The following NDRG4 variants were observed in gnomAD, a reference collection of about 807,000 sequenced individuals.
NDRG4 encodes the protein NDRG family member 4.
A neutral mutation model predicts 55.8 loss-of-function variants in NDRG4; 38 were observed. That is an observed-to-expected ratio of 0.68 (90% CI 0.53 to 0.89). The LOEUF is 0.89. Ranked by LOEUF, NDRG4 falls within the 40% of genes least tolerant of loss-of-function variation. The pLI, the probability that NDRG4 is intolerant of heterozygous loss-of-function variation, is 0.00. For missense variants in NDRG4, 455 were observed against 468.6 expected, an observed-to-expected ratio of 0.97 and a Z score of 0.27; for synonymous variants, 190 against 182.7, an observed-to-expected ratio of 1.04 and a Z score of -0.32.
At chr16:58,504,082 C>A (rs941829331) in intron 2 of NDRG4, 72 bp from the exon 3 acceptor site, 213 of 1,603,720 alleles carry the variant, frequency 1.3e-4, no homozygotes, top group Non-Finnish European at 1.8e-4. Context: ...CTTGCCTGCC[C>A]TCTGGGGGCC....
At chr16:58,479,125 T>C (rs921452270) in intron 1 of NDRG4, among the ~76,000 whole-genome samples, 1 of 152,124 alleles carries the variant, frequency 6.6e-6, no homozygotes, top group Non-Finnish European at 1.5e-5. Flanking sequence ...GCCTCCCAAG[T>C]TCAAGCAACT....
intron 1 of NDRG4, chr16:58,501,149 G>A: frequency 1.1e-5 from 12 of 1,052,624 alleles, no homozygotes; most frequent in South Asian, 4.8e-5. Context: ...GGCCCCACAC[G>A]CCTGCCCTGC....
intron 1 of NDRG4, chr16:58,463,898 G>T: frequency 8.9e-6 from 1 of 111,878 alleles, no homozygotes; most frequent in South Asian, 3.1e-4. Context: ...CCCCGAGCAC[G>T]ACCCCAGCCC....
chr16:58,508,861 T>TGCACCCCCTCTCCTCCCC, intron 10 of NDRG4, 101 bp from the exon 11 acceptor site: 2 of 1,340,158 alleles, frequency 1.5e-6, no homozygotes, highest in Non-Finnish European at 2.1e-6. Flanking sequence ...TCTGCCTCCC[T>TGCACCCCCTCTCCTCCCC]GCACCCCCTC....
chr16:58,501,134 C>T, intron 1 of NDRG4: 3 of 1,151,818 alleles, frequency 2.6e-6, no homozygotes, highest in Non-Finnish European at 3.3e-6. Flanking sequence ...TCACCCCCAC[C>T]CCCGGGCCCC....
At chr16:58,478,790 G>A (rs944211983) in intron 1 of NDRG4, among the ~76,000 whole-genome samples, 1 of 148,586 alleles carries the variant, frequency 6.7e-6, no homozygotes, top group Non-Finnish European at 1.5e-5. Flanking sequence ...AACTGGCAGT[G>A]GTTTTTTTTT....
At chr16:58,500,035 C>T, upstream of NDRG4, 1 of 1,365,772 alleles carries the variant, frequency 7.3e-7, no homozygotes, top group Non-Finnish European at 9.7e-7. Context: ...AATATGGGAG[C>T]TGGGGCTCCT....
chr16:58,503,548 C>T (rs190605856), intron 1 of NDRG4, among the ~76,000 whole-genome samples: 2 of 152,234 alleles, frequency 1.3e-5, no homozygotes, highest in Non-Finnish European at 2.9e-5. Context: ...AAACCAGTGG[C>T]TGGTTTGCAG....
upstream of NDRG4, chr16:58,499,879 T>A: frequency 2.5e-6 from 1 of 407,480 alleles, no homozygotes. Context: ...GCTGCAGCTG[T>A]TGGCGTGTGC....
upstream of NDRG4, chr16:58,497,076 C>T (rs1049369386): frequency 2.0e-5 from 3 of 152,142 alleles, no homozygotes; most frequent in African/African-American, 7.2e-5. Flanking sequence ...AATCTCAGCA[C>T]TTTCGGAGGC....
chr16:58,504,308 GCTCT>G, intron 3 of NDRG4, 34 bp downstream of exon 3: 10 of 1,613,992 alleles, frequency 6.2e-6, no homozygotes, highest in Non-Finnish European at 8.5e-6. Flanking sequence ...CCTGTCTCCA[GCTCT>G]GCACCTGAGG....
intron 2 of NDRG4, among the ~76,000 whole-genome samples, chr16:58,492,963 A>G (rs1443777233): frequency 3.3e-5 from 5 of 152,018 alleles, no homozygotes; most frequent in African/African-American, 1.2e-4. Flanking sequence ...GAAGAAGCCC[A>G]AGTGGGTGTG....
At chr16:58,475,220 C>T (rs568110522) in intron 1 of NDRG4, among the ~76,000 whole-genome samples, 11 of 152,264 alleles carry the variant, frequency 7.2e-5, no homozygotes, top group Admixed American at 4.6e-4. Flanking sequence ...GTGAGGCACC[C>T]GTGTAAAAGA....
At position 58,483,439 on chromosome 16, in the gene NDRG4, A is replaced by G. The variant is rs942117148; in HGVS notation, c.-23-4317A>G. On this transcript the variant is annotated intron_variant, in intron 1 of 15. Transcript: ENST00000258187. ...ACCAGAAGTAATTAAACTGAAATGC[A>G]ATTCCTCTTAAGGAATCCATGCCAC... 6.0e-4 allele frequency among the ~76,000 whole-genome samples: 91 copies of G among 152,286 alleles called. No individual in the cohort carries two copies. The Middle Eastern group carries it at 0.01, about 17-fold the overall frequency.
chr16:58,503,957 G>T, intron 2 of NDRG4, 54 bp downstream of exon 2: 1 of 1,593,022 alleles, frequency 6.3e-7, no homozygotes, highest in Non-Finnish European at 8.6e-7. Flanking sequence ...CAGCCAGAGC[G>T]GTGAGGCCCC....
At chr16:58,490,068 C>T (rs192539669) in intron 2 of NDRG4, among the ~76,000 whole-genome samples, 1 of 152,192 alleles carries the variant, frequency 6.6e-6, no homozygotes, top group South Asian at 2.1e-4. Flanking sequence ...TCTTGAACTT[C>T]TGGGTGCAAG....
At chr16:58,482,536 G>A (rs533655518) in intron 1 of NDRG4, among the ~76,000 whole-genome samples, 19 of 152,140 alleles carry the variant, frequency 1.2e-4, no homozygotes, top group African/African-American at 3.9e-4. Context: ...CTTCTCACCC[G>A]TGGTCCCTGG....
chr16:58,478,338 G>A (rs987404585), intron 1 of NDRG4, among the ~76,000 whole-genome samples: 4 of 151,370 alleles, frequency 2.6e-5, no homozygotes, highest in Admixed American at 6.6e-5. Context: ...GCAGTGAGCC[G>A]AGATCGCGCC....
In NDRG4 at chr16:58,504,420, G is replaced by C. The variant is rs369106170; in HGVS notation, c.310G>C (p.Gly104Arg). The change falls in exon 4 of 15, where the codon GGG (glycine) becomes CGG (arginine). Residue 104 changes from glycine to arginine, a missense_variant and splice_region_variant. Coordinates refer to ENST00000570248, the MANE Select transcript of NDRG4 (RefSeq NM_001242835.2). ...GCTCCCCAGCGTGGTGCAGCATTTC[G>C]GGTGAGTCCCCGCACAGCCCCTGCG... ...AMLPSVVQHFGFKYVIGIGVG... is the reference protein window; with the variant it reads ...AMLPSVVQHFRFKYVIGIGVG... The C allele has an allele frequency of 6.2e-7, 1 of 1,612,276 alleles. No individual in the cohort carries two copies. The highest frequency in any genetic ancestry group is 1.3e-5 in the African/African-American group (1 of 75,060).
Sources: allele counts gnomAD v4.1 joint callset (sites outside exome capture counted in the v4.1 genomes callset), GRCh38; gene constraint gnomAD v4.1.1; transcripts MANE v1.5; gene names NCBI Gene and HGNC (gene_info 2026-07-23, HGNC 2026-07-21).